PASD1: variants seen among roughly 807,000 people sequenced by gnomAD.
PASD1 encodes the protein PAS domain containing repressor 1.
A neutral mutation model predicts 58.8 loss-of-function variants in PASD1; 13 were observed. The ratio of observed to expected loss-of-function variants is 0.22; its 90% CI spans 0.14 to 0.35. The LOEUF (loss-of-function observed/expected upper bound fraction) is 0.35, where lower values mean the gene tolerates loss of function less well. PASD1 is among the 10% of genes least tolerant of loss of function. The probability of loss-of-function intolerance (pLI) is 1.00; values close to 1 mark genes in which losing one functional copy is unlikely to be tolerated. For missense variants in PASD1, 734 were observed against 568.3 expected, an observed-to-expected ratio of 1.29 and a Z score of -2.96; for synonymous variants, 236 against 216.7, an observed-to-expected ratio of 1.09 and a Z score of -0.78.
chrX:151,635,646 A>G (rs1282754997), intron 8 of PASD1, among the ~76,000 whole-genome samples: 2 of 112,152 alleles, frequency 1.8e-5, no homozygotes, highest in Admixed American at 1.9e-4. Context: ...AACTTATGTC[A>G]TTGCAAAAAG....
At chrX:151,655,851 T>C (rs2014233059) in intron 9 of PASD1, among the ~76,000 whole-genome samples, 1 of 112,202 alleles carries the variant, frequency 8.9e-6, no homozygotes, top group Non-Finnish European at 1.9e-5. Flanking sequence ...AGAAGCTCTT[T>C]AGTTGAATTA....
At position 151,661,079 on chromosome X, in the gene PASD1, C is replaced by T. The variant is rs751957827; in HGVS notation, c.841+1243C>T. Among the ~76,000 whole-genome samples the T allele has an allele frequency of 3.6e-5, 4 of 109,749 alleles. No individual in the cohort carries two copies. The East Asian group carries it at 8.6e-4, about 24-fold the overall frequency. On this transcript the variant is annotated intron_variant, in intron 10 of 15. Transcript: ENST00000370357. ...CTGGGGCAGGAGAATGGCATGAACT[C>T]GGGAGGCGGGGCTTGCAGTGAGCCG... is the stretch of plus-strand genomic sequence containing the variant.
intron 1 of PASD1, among the ~76,000 whole-genome samples, chrX:151,580,521 T>C (rs2013072998): frequency 9.3e-6 from 1 of 108,097 alleles, no homozygotes; most frequent in Admixed American, 9.9e-5. Context: ...TTTTTTTTTT[T>C]TTTTTGGTGG....
At chrX:151,630,852 TAAA>T (rs1282205780) in intron 8 of PASD1, among the ~76,000 whole-genome samples, 1 of 112,727 alleles carries the variant, frequency 8.9e-6, no homozygotes, top group African/African-American at 3.2e-5. Flanking sequence ...ATTTGAGGCT[TAAA>T]AATCTTTCAT....
intron 1 of PASD1, among the ~76,000 whole-genome samples, chrX:151,576,195 A>G (rs2013003804): frequency 9.0e-6 from 1 of 110,683 alleles, no homozygotes; most frequent in Non-Finnish European, 1.9e-5. Context: ...TTGTAGAGAC[A>G]GTGTCTCCCT....
chrX:151,604,147 A>G (rs2013455937), intron 2 of PASD1, among the ~76,000 whole-genome samples: 4 of 111,727 alleles, frequency 3.6e-5, no homozygotes, highest in Admixed American at 2.9e-4. Flanking sequence ...GGGGGAGAGG[A>G]CAGTACCAGG....
chrX:151,621,893 T>C (rs2013716520), intron 6 of PASD1, among the ~76,000 whole-genome samples: 1 of 109,821 alleles, frequency 9.1e-6, no homozygotes, highest in African/African-American at 3.3e-5. Flanking sequence ...TGTGGGTCTA[T>C]GTGTACCAGA....
At chrX:151,603,692 C>A (rs886418420) in intron 2 of PASD1, among the ~76,000 whole-genome samples, 2 of 110,816 alleles carry the variant, frequency 1.8e-5, no homozygotes, top group Admixed American at 1.9e-4. Flanking sequence ...TCATGTTACT[C>A]CTATTTCACA....
Position 151,660,875 on chromosome X carries a change from C to T in PASD1, c.841+1039C>T, listed in dbSNP as rs184655243. Among the ~76,000 whole-genome samples, 517 of 112,148 alleles carry T rather than the reference C, an allele frequency of 4.6e-3. 3 individuals carry two copies. The highest frequency in any genetic ancestry group is 7.8e-3 in the Non-Finnish European group (414 of 53,193). ...AAAATTAAAAAATGGTAAACTGGGC[C>T]GGGCACGGTGGCTCATGCCTGTAAT... On this transcript the variant is annotated intron_variant, in intron 10 of 15. Transcript: ENST00000370357.
At chrX:151,639,588 C>T (rs1402114433) in intron 8 of PASD1, among the ~76,000 whole-genome samples, 2 of 112,096 alleles carry the variant, frequency 1.8e-5, no homozygotes, top group Non-Finnish European at 3.8e-5. Flanking sequence ...AGAAACAGTT[C>T]CATCTTCCCT....
intron 8 of PASD1, among the ~76,000 whole-genome samples, chrX:151,631,795 T>G (rs1028923014): frequency 1.8e-5 from 2 of 111,862 alleles, no homozygotes; most frequent in Middle Eastern, 4.6e-3. Flanking sequence ...AGTGAGGTTT[T>G]GTTGTACCGA....
Position 151,623,069 on chromosome X carries a change from G to A in PASD1, c.546+5G>A. 1 of 1,207,224 alleles carries A rather than the reference G, an allele frequency of 8.3e-7. No individual in the cohort carries two copies. The highest frequency in any genetic ancestry group is 1.7e-5 in the African/African-American group (1 of 57,623). Reference sequence around the variant, plus strand: ...CTCAGGACTCAGCTCCTGCAGGTGGGTATACTGTGTTTGTGCTTCCCCCGC... The same window carrying A: ...CTCAGGACTCAGCTCCTGCAGGTGGATATACTGTGTTTGTGCTTCCCCCGC... On this transcript the variant is annotated splice_donor_5th_base_variant and intron_variant, in intron 7 of 15. Coordinates refer to ENST00000370357, the MANE Select transcript of PASD1 (RefSeq NM_173493.3).
At chrX:151,631,472 C>T (rs1194086583) in intron 8 of PASD1, among the ~76,000 whole-genome samples, 1 of 112,063 alleles carries the variant, frequency 8.9e-6, no homozygotes, top group Non-Finnish European at 1.9e-5. Flanking sequence ...TCACCTTAAA[C>T]TTAGAGGGAG....
In PASD1 at chrX:151,594,197, TCTC is replaced by T. The variant is rs745306242; in HGVS notation, c.-27-7327_-27-7325del. Among the ~76,000 whole-genome samples the T allele has an allele frequency of 3.9e-3, 437 of 110,954 alleles. 3 individuals are homozygous for T. Among genetic ancestry groups the T allele is most frequent in the African/African-American group, 0.013 (407 of 30,530 alleles). ...ACTGTGTTAGCCAGGATGGTCTCGA[TCTC>T]CTGACCTCGTGATCCACCCACCTCA... On this transcript the variant is annotated intron_variant, in intron 1 of 15. Coordinates refer to ENST00000370357, the MANE Select transcript of PASD1 (RefSeq NM_173493.3).
intron 1 of PASD1, among the ~76,000 whole-genome samples, chrX:151,571,824 C>A (rs980366400): frequency 3.6e-5 from 4 of 112,127 alleles, no homozygotes; most frequent in African/African-American, 1.3e-4. Flanking sequence ...AGCAACACAT[C>A]TAATTCTTAA....
intron 8 of PASD1, among the ~76,000 whole-genome samples, chrX:151,629,617 G>T (rs1270701878): frequency 9.0e-6 from 1 of 111,722 alleles, no homozygotes; most frequent in African/African-American, 3.3e-5. Flanking sequence ...TTTCTTAGAT[G>T]ACCTTTTACT....
chrX:151,605,742 G>A (rs1165573518), intron 3 of PASD1, among the ~76,000 whole-genome samples: 1 of 110,225 alleles, frequency 9.1e-6, no homozygotes, highest in Non-Finnish European at 1.9e-5. Flanking sequence ...GGGACCAGAG[G>A]TGCACACTAC....
intron 7 of PASD1, among the ~76,000 whole-genome samples, chrX:151,623,291 C>T (rs2013741689): frequency 8.9e-6 from 1 of 111,919 alleles, no homozygotes; most frequent in African/African-American, 3.3e-5. Flanking sequence ...CAATCATTTA[C>T]AAGTAGTCTT....
intron 11 of PASD1, among the ~76,000 whole-genome samples, chrX:151,670,723 G>A (rs1039568909): frequency 4.5e-5 from 5 of 111,939 alleles, no homozygotes; most frequent in African/African-American, 6.5e-5. Context: ...TGACCCAGGC[G>A]CAGAATACTT....
Sources: allele counts gnomAD v4.1 joint callset (sites outside exome capture counted in the v4.1 genomes callset), GRCh38; gene constraint gnomAD v4.1.1; transcripts MANE v1.5; gene names NCBI Gene and HGNC (gene_info 2026-07-23, HGNC 2026-07-21).